TMEM132D: variants seen among roughly 807,000 people sequenced by gnomAD.
The protein encoded by TMEM132D is transmembrane protein 132D.
In TMEM132D, 21 loss-of-function variants were observed where a neutral mutation model predicts 62.3. The ratio of observed to expected loss-of-function variants is 0.34; its 90% CI spans 0.24 to 0.49. The LOEUF (loss-of-function observed/expected upper bound fraction) is 0.49, where lower values mean the gene tolerates loss of function less well. Among genes scored for constraint, TMEM132D ranks in the 20% least tolerant of loss-of-function variants. The pLI, the probability that TMEM132D is intolerant of heterozygous loss-of-function variation, is 0.99. For missense variants in TMEM132D, 1,346 were observed against 1,402.8 expected, an observed-to-expected ratio of 0.96 and a Z score of 0.65; for synonymous variants, 621 against 575.6, an observed-to-expected ratio of 1.08 and a Z score of -1.13.
chr12:129,234,358 A>G (rs1375919625), intron 4 of TMEM132D, among the ~76,000 whole-genome samples: 1 of 152,198 alleles, frequency 6.6e-6, no homozygotes, highest in African/African-American at 2.4e-5. Context: ...TTGACGTGCA[A>G]GTAAAGGATT....
chr12:129,334,609 T>C (rs77177884), intron 4 of TMEM132D, among the ~76,000 whole-genome samples: 4,231 of 152,212 alleles, frequency 0.028, 211 homozygotes, highest in African/African-American at 0.097. Context: ...CACCACGTTT[T>C]GTTTTGTTTT....
At chr12:129,425,336 C>T (rs763126642) in intron 3 of TMEM132D, among the ~76,000 whole-genome samples, 4 of 151,410 alleles carry the variant, frequency 2.6e-5, no homozygotes, top group Non-Finnish European at 5.9e-5. Context: ...GGAAGCTTCC[C>T]AAAGTTGCTG....
intron 1 of TMEM132D, among the ~76,000 whole-genome samples, chr12:129,825,462 AC>A (rs1872639956): frequency 6.6e-6 from 1 of 152,132 alleles, no homozygotes; most frequent in African/African-American, 2.4e-5. Context: ...TAATAGGGTT[AC>A]TGGCGAGAGG....
At chr12:129,217,931 T>C (rs893373553) in intron 4 of TMEM132D, among the ~76,000 whole-genome samples, 22 of 152,192 alleles carry the variant, frequency 1.4e-4, no homozygotes, top group Non-Finnish European at 3.2e-4. Context: ...ACTTCTCCTG[T>C]GCATGAAGCT....
At chr12:129,414,537 AT>A (rs1471307577) in intron 3 of TMEM132D, among the ~76,000 whole-genome samples, 1 of 152,224 alleles carries the variant, frequency 6.6e-6, no homozygotes, top group Non-Finnish European at 1.5e-5. Flanking sequence ...TGCCCTCCTT[AT>A]GATGGGGGGA....
chr12:129,555,070 T>G (rs1422420204), intron 2 of TMEM132D, among the ~76,000 whole-genome samples: 1 of 152,208 alleles, frequency 6.6e-6, no homozygotes, highest in Non-Finnish European at 1.5e-5. Context: ...TGCCAATGCT[T>G]AGGCTGTCAG....
intron 1 of TMEM132D, among the ~76,000 whole-genome samples, chr12:129,794,346 C>T (rs1018487747): frequency 6.7e-6 from 1 of 148,980 alleles, no homozygotes; most frequent in African/African-American, 2.5e-5. Context: ...AGGTGATCAA[C>T]CCACCTCGGC....
chr12:129,129,481 T>G (rs1876308615), intron 5 of TMEM132D, among the ~76,000 whole-genome samples: 1 of 152,214 alleles, frequency 6.6e-6, no homozygotes, highest in Admixed American at 6.5e-5. Flanking sequence ...GGTGGAATGA[T>G]TTGTTTTCCT....
intron 4 of TMEM132D, among the ~76,000 whole-genome samples, chr12:129,317,683 C>G (rs753102172): frequency 6.6e-6 from 1 of 152,314 alleles, no homozygotes; most frequent in Middle Eastern, 3.4e-3. Flanking sequence ...ATTGGAACGT[C>G]TAGCTCTCTA....
intron 1 of TMEM132D, among the ~76,000 whole-genome samples, chr12:129,747,356 G>C (rs1007849866): frequency 6.6e-6 from 1 of 151,778 alleles, no homozygotes; most frequent in Non-Finnish European, 1.5e-5. Flanking sequence ...TTGCCCAATT[G>C]GTAGTTTCTC....
intron 2 of TMEM132D, among the ~76,000 whole-genome samples, chr12:129,672,554 C>A (rs949416794): frequency 9.2e-5 from 14 of 152,156 alleles, no homozygotes; most frequent in African/African-American, 3.4e-4. Context: ...TTCCCCAGAG[C>A]CTGTACGTTT....
chr12:129,800,606 C>T (rs1046236925), intron 1 of TMEM132D, among the ~76,000 whole-genome samples: 3 of 152,150 alleles, frequency 2.0e-5, no homozygotes, highest in Admixed American at 6.5e-5. Context: ...CTGGAGGACT[C>T]AGTAAACAAA....
chr12:129,850,837 A>T (rs1873515978), intron 1 of TMEM132D, among the ~76,000 whole-genome samples: 1 of 152,330 alleles, frequency 6.6e-6, no homozygotes, highest in Middle Eastern at 3.4e-3. Context: ...CACACTGGGG[A>T]CTTTTCCATG....
At chr12:129,818,903 C>T (rs537422009) in intron 1 of TMEM132D, among the ~76,000 whole-genome samples, 2 of 152,068 alleles carry the variant, frequency 1.3e-5, no homozygotes, top group Admixed American at 1.3e-4. Flanking sequence ...GGCGTGGTGG[C>T]CTGCACCTGT....
chr12:129,327,021 C>T (rs553978141), intron 4 of TMEM132D, among the ~76,000 whole-genome samples: 7 of 152,254 alleles, frequency 4.6e-5, no homozygotes, highest in South Asian at 4.1e-4. Flanking sequence ...CACACGTGGC[C>T]GTGTTGACAA....
chr12:129,625,225 A>G (rs1879181761), intron 2 of TMEM132D, among the ~76,000 whole-genome samples: 2 of 152,114 alleles, frequency 1.3e-5, no homozygotes, highest in Admixed American at 1.3e-4. Context: ...CATTTTTAAG[A>G]GGTCTCTACA....
chr12:129,714,746 A>C (rs1868509780), intron 1 of TMEM132D, among the ~76,000 whole-genome samples: 1 of 152,220 alleles, frequency 6.6e-6, no homozygotes, highest in Non-Finnish European at 1.5e-5. Flanking sequence ...CCGGGAAAGA[A>C]ATTTTAGAAA....
At chr12:129,075,387 C>T (rs1874218429) in intron 8 of TMEM132D, among the ~76,000 whole-genome samples, 1 of 150,512 alleles carries the variant, frequency 6.6e-6, no homozygotes, top group Non-Finnish European at 1.5e-5. Context: ...TCAGAATCAA[C>T]TTCTGAACAA....
chr12:129,704,288 C>T (rs1455292477), intron 1 of TMEM132D, among the ~76,000 whole-genome samples: 1 of 152,230 alleles, frequency 6.6e-6, no homozygotes, highest in Non-Finnish European at 1.5e-5. Context: ...ATCTAGGCAG[C>T]TGACAAATCT....
Sources: gnomAD v4.1 joint callset for allele counts (sites outside exome capture counted in the v4.1 genomes callset) on GRCh38, gnomAD v4.1.1 for gene constraint, MANE v1.5 for transcripts, NCBI Gene and HGNC (gene_info 2026-07-23, HGNC 2026-07-21) for gene names.